SHANK2: variants seen among roughly 807,000 people sequenced by gnomAD.
The protein encoded by SHANK2 is SH3 and multiple ankyrin repeat domains protein 2.
A neutral mutation model predicts 133.7 loss-of-function variants in SHANK2; 43 were observed. The observed-to-expected ratio is 0.32, with a 90% confidence interval of 0.25 to 0.41. The LOEUF (loss-of-function observed/expected upper bound fraction) is 0.41. SHANK2 is among the 10% of genes least tolerant of loss of function. The pLI is 1.00. For missense variants in SHANK2, 1,994 were observed against 2,235.8 expected, an observed-to-expected ratio of 0.89 and a Z score of 2.18; for synonymous variants, 1,017 against 952.8, an observed-to-expected ratio of 1.07 and a Z score of -1.24.
intron 17 of SHANK2, among the ~76,000 whole-genome samples, chr11:70,536,946 C>A (rs1554974258): frequency 6.6e-6 from 1 of 152,128 alleles, no homozygotes; most frequent in Non-Finnish European, 1.5e-5. Flanking sequence ...AGCAGAGGAC[C>A]CTTCTTACTC....
chr11:71,127,230 T>C (rs1461770859), intron 3 of SHANK2, among the ~76,000 whole-genome samples: 6 of 152,284 alleles, frequency 3.9e-5, no homozygotes, highest in African/African-American at 1.4e-4. Context: ...GTTGCCTCTT[T>C]GGGATGAGCA....
rs117780091 is a variant in SHANK2 at position 71,109,458 on chromosome 11, G to T, written c.592+483C>A. On this transcript the variant is annotated intron_variant, in intron 6 of 25. Transcript: ENST00000601538. Reference sequence around the variant, plus strand: ...CACTCGTGGAACCACCAAGGGCCTGGGCCATCTTTCCCGACCGATGCCCAG... The same window carrying T: ...CACTCGTGGAACCACCAAGGGCCTGTGCCATCTTTCCCGACCGATGCCCAG... Among the ~76,000 whole-genome samples, 147 of 152,334 alleles carry T rather than the reference G, an allele frequency of 9.6e-4. 2 individuals carry two copies. The East Asian group carries it at 0.025, about 25-fold the overall frequency.
chr11:71,078,609 G>A (rs1388601850), intron 8 of SHANK2, among the ~76,000 whole-genome samples: 1 of 152,194 alleles, frequency 6.6e-6, no homozygotes, highest in African/African-American at 2.4e-5. Context: ...ACCAAACTGA[G>A]GACTAGCTAA....
intron 21 of SHANK2, among the ~76,000 whole-genome samples, chr11:70,498,142 T>G (rs2058998019): frequency 6.6e-6 from 1 of 152,234 alleles, no homozygotes; most frequent in Non-Finnish European, 1.5e-5. Flanking sequence ...CAACCACTGC[T>G]CTCTCCCCTT....
At chr11:70,866,854 A>G (rs1360688879) in intron 11 of SHANK2, among the ~76,000 whole-genome samples, 2 of 151,972 alleles carry the variant, frequency 1.3e-5, no homozygotes, top group Non-Finnish European at 2.9e-5. Flanking sequence ...CTGCCCGCAC[A>G]TGGACTCAGC....
intron 2 of SHANK2, among the ~76,000 whole-genome samples, chr11:71,215,053 C>T (rs989324647): frequency 2.0e-5 from 3 of 152,224 alleles, no homozygotes; most frequent in African/African-American, 7.2e-5. Context: ...CTTCAGCGGA[C>T]AGCTCCCTCC....
At chr11:70,926,447 C>G (rs782137625) in intron 10 of SHANK2, among the ~76,000 whole-genome samples, 4 of 152,116 alleles carry the variant, frequency 2.6e-5, no homozygotes, top group Non-Finnish European at 5.9e-5. Context: ...ACAACCAAAA[C>G]AAAAATGGTG....
At chr11:70,604,671 A>G (rs530865155) in intron 17 of SHANK2, 9 of 152,426 alleles carry the variant, frequency 5.9e-5, no homozygotes, top group African/African-American at 1.9e-4. Context: ...ACACATGTAT[A>G]CATACAACAT....
chr11:70,520,610 T>C (rs1162456965), intron 17 of SHANK2, among the ~76,000 whole-genome samples: 1 of 152,302 alleles, frequency 6.6e-6, no homozygotes, highest in Middle Eastern at 3.4e-3. Flanking sequence ...CTCCTTTCCC[T>C]ACTTTCCACA....
intron 17 of SHANK2, among the ~76,000 whole-genome samples, chr11:70,641,173 G>A (rs1555006199): frequency 1.3e-5 from 2 of 148,712 alleles, no homozygotes; most frequent in Non-Finnish European, 3.0e-5. Context: ...TTGGCTCACC[G>A]CAAGCTCCAC....
In SHANK2 at chr11:70,743,867, G is replaced by A. The variant is rs187904064; in HGVS notation, c.1778-45104C>T. 1.2e-4 allele frequency among the ~76,000 whole-genome samples: 18 copies of A among 152,140 alleles called. No homozygotes were observed. The East Asian group carries it at 2.3e-3, about 20-fold the overall frequency. The stretch of plus-strand genomic sequence containing the variant: ...CCCTCCTTTCCTACCCGGCTGCTGC[G>A]ACACCCCCACATGGCTCTTTGTGGC... On this transcript the variant is annotated intron_variant, in intron 14 of 25. Transcript: ENST00000601538.
At position 71,175,488 on chromosome 11, in the gene SHANK2, G is replaced by A. The variant is rs1326451790; in HGVS notation, c.-12-28150C>T. On this transcript the variant is annotated intron_variant, in intron 2 of 25. Coordinates refer to ENST00000601538, the MANE Select transcript of SHANK2 (RefSeq NM_012309.5). The surrounding 1 kb of genome is among the most constrained non-coding windows in gnomAD (Gnocchi z 4.2). ...ATAGACCAAGGCTGGTGAAAGAGAA[G>A]TGGGGACAAAAAAGGCAGAGGGGCA... 6.7e-6 allele frequency among the ~76,000 whole-genome samples: 1 copy of A among 150,298 alleles called. No homozygotes were observed. The highest frequency in any genetic ancestry group is 1.5e-5 in the Non-Finnish European group (1 of 67,716).
rs10751033 is a variant in SHANK2 at position 71,175,551 on chromosome 11, G to A, written c.-12-28213C>T. On this transcript the variant is annotated intron_variant, in intron 2 of 25. Transcript: ENST00000601538. The surrounding 1 kb of genome is among the most constrained non-coding windows in gnomAD (Gnocchi z 4.2). ...CAGACAGACAGAGGGAGAGGGAGAG[G>A]GAGAGAGAGAGAGAGAGAGAGAGAG... Among the ~76,000 whole-genome samples, 1,821 of 40,206 alleles carry A rather than the reference G, an allele frequency of 0.045. 115 individuals are homozygous for A. Among genetic ancestry groups the A allele is most frequent in the South Asian group, 0.11 (77 of 694 alleles). The allele number at this position is 40,206 out of a possible 152,430, so 26.4% of individuals were successfully genotyped here.
intron 10 of SHANK2, among the ~76,000 whole-genome samples, chr11:70,905,881 C>T (rs966137826): frequency 4.0e-5 from 6 of 151,384 alleles, no homozygotes; most frequent in African/African-American, 1.5e-4. Context: ...GCACGATCTC[C>T]AGTCACTGCA....
intron 17 of SHANK2, among the ~76,000 whole-genome samples, chr11:70,510,649 G>A (rs531400022): frequency 1.3e-5 from 2 of 152,298 alleles, no homozygotes; most frequent in African/African-American, 4.8e-5. Context: ...GAACCTGTCT[G>A]CAGGAAGAGG....
chr11:70,871,138 C>A (rs1240005350), intron 11 of SHANK2, among the ~76,000 whole-genome samples: 3 of 152,188 alleles, frequency 2.0e-5, no homozygotes, highest in Admixed American at 6.5e-5. Flanking sequence ...CTAATGACCT[C>A]ATTTTCAGCT....
chr11:70,745,641 C>T (rs572324000), intron 14 of SHANK2, among the ~76,000 whole-genome samples: 6 of 152,296 alleles, frequency 3.9e-5, no homozygotes, highest in Admixed American at 2.6e-4. Flanking sequence ...ACGTGGGTCT[C>T]GTGTAGAGTA....
rs1948494040 is a variant in SHANK2 at position 70,820,504 on chromosome 11, C to A, written c.1353G>T (p.Gln451His). 1 of 717,082 alleles carries A rather than the reference C, an allele frequency of 1.4e-6. No individual in the cohort carries two copies. The allele number at this position is 717,082 out of a possible 1,614,324, so 44.4% of individuals were successfully genotyped here. Residue 451 changes from glutamine to histidine, a missense_variant, in exon 12 of 26, where the codon CAG (glutamine) becomes CAT (histidine). Physicochemically the swap from Gln to His is conservative, Grantham distance 24. This residue lies in a region of SHANK2 where 653 missense variants were observed against 563.4 expected (regional missense o/e 1.16). Transcript: ENST00000601538. ...CCCCCTCGGGCTTGCTGGGCATCTG[C>A]TGCAGCAGCTGGGGTGACAGGCTGC... is the stretch of plus-strand genomic sequence containing the variant. Reference protein sequence around the residue: ...SHRSLSPQLLQQMPSKPEGAA... With the variant: ...SHRSLSPQLLHQMPSKPEGAA...
intron 11 of SHANK2, among the ~76,000 whole-genome samples, chr11:70,849,051 T>C (rs1471158329): frequency 6.6e-6 from 1 of 151,702 alleles, no homozygotes; most frequent in African/African-American, 2.4e-5. Flanking sequence ...CCACTGAAAA[T>C]ATGAATGGTA....
Sources: gnomAD v4.1 joint callset for allele counts (sites outside exome capture counted in the v4.1 genomes callset) on GRCh38, gnomAD v4.1.1 for gene constraint, gnomAD v4.1.1 regional missense constraint, Gnocchi (gnomAD v3.1) non-coding constraint, MANE v1.5 for transcripts, NCBI Gene and HGNC (gene_info 2026-07-23, HGNC 2026-07-21) for gene names.